Variants in APC observed in about 807,000 individuals in gnomAD.
APC encodes the protein adenomatous polyposis coli protein.
A neutral mutation model predicts 247.0 loss-of-function variants in APC; 72 were observed. That is an observed-to-expected ratio of 0.29 (90% CI 0.24 to 0.35). The LOEUF is 0.35. Among genes scored for constraint, APC ranks in the 10% least tolerant of loss-of-function variants. The pLI is 1.00. For synonymous variants in APC, 1,254 were observed against 1,162.5 expected (o/e 1.08, Z -1.60); for missense variants, 3,400 against 3,360.7 (o/e 1.01, Z -0.29).
intron 1 of APC, among the ~76,000 whole-genome samples, chr5:112,724,937 T>G (rs1751689115): frequency 6.6e-6 from 1 of 152,166 alleles, no homozygotes; most frequent in South Asian, 2.1e-4. Flanking sequence ...TAGAAAATAC[T>G]AATCTTGAAG....
intron 6 of APC, chr5:112,783,872 TTA>T: frequency 3.4e-6 from 1 of 291,986 alleles, no homozygotes; most frequent in Non-Finnish European, 6.6e-6. Flanking sequence ...CATCAGAAAA[TTA>T]AGTTCAAGTG....
At chr5:112,818,908 T>C in intron 9 of APC, 58 bp from the exon 10 acceptor site, 1 of 1,577,132 alleles carries the variant, frequency 6.3e-7, no homozygotes, top group Non-Finnish European at 8.6e-7. Context: ...ACTTAATTGG[T>C]TTTTGGCTTT....
In APC at chr5:112,843,624, G is replaced by A. The variant is rs760391304; in HGVS notation, c.8030G>A (p.Gly2677Asp). 11 of 1,613,658 alleles carry A rather than the reference G, an allele frequency of 6.8e-6. No individual in the cohort carries two copies. Among genetic ancestry groups the A allele is most frequent in the Admixed American group, 1.7e-5 (1 of 59,984 alleles). Residue 2677 changes from glycine to aspartate, a missense_variant, in exon 16 of 16, where the codon GGT (glycine) becomes GAT (aspartate). Physicochemically the swap from Gly to Asp is moderately conservative, Grantham distance 94. Transcript: ENST00000257430. This position sits in a 1 kb window ranked among gnomAD's most constrained non-coding sequence, Gnocchi z 4.8. The stretch of plus-strand genomic sequence containing the variant: ...CCTAGATCTGGAAGATCTCCCACAG[G>A]TAATACTCCCCCGGTGATTGACAGT... Reference protein sequence around the residue: ...NNPRSGRSPTGNTPPVIDSVS... With the variant: ...NNPRSGRSPTDNTPPVIDSVS...
Position 112,839,246 on chromosome 5 carries a change from A to G in APC, c.3652A>G (p.Thr1218Ala), listed in dbSNP as rs2149896347. 4 of 1,614,188 alleles carry G rather than the reference A, an allele frequency of 2.5e-6. No homozygotes were observed. Among genetic ancestry groups the G allele is most frequent in the Non-Finnish European group, 3.4e-6 (4 of 1,180,034 alleles). ...TEHMSSSSEN[T>A]STPSSNAKRQ... ...ACATATGTCTTCAAGCAGTGAGAAT[A>G]CGTCCACACCTTCATCTAATGCCAA... The change falls in exon 16 of 16, where the codon ACG becomes GCG. Residue 1218 changes from threonine to alanine, a missense_variant. Thr to Ala is a moderately conservative substitution (Grantham distance 58). This residue lies in a region of APC where 715 missense variants were observed against 656.6 expected (regional missense o/e 1.09). Transcript: ENST00000257430. This position sits in a 1 kb window ranked among gnomAD's most constrained non-coding sequence, Gnocchi z 5.0.
intron 1 of APC, among the ~76,000 whole-genome samples, chr5:112,724,542 T>A (rs921142889): frequency 1.4e-5 from 2 of 139,218 alleles, no homozygotes; most frequent in African/African-American, 2.7e-5. Flanking sequence ...GAGCAATATA[T>A]ACGTAATCCC....
intron 1 of APC, among the ~76,000 whole-genome samples, chr5:112,743,592 T>G (rs1477423579): frequency 6.6e-6 from 1 of 152,248 alleles, no homozygotes; most frequent in Non-Finnish European, 1.5e-5. Flanking sequence ...ATTCTTGATT[T>G]TATCATCACT....
intron 2 of APC, among the ~76,000 whole-genome samples, chr5:112,761,301 A>G (rs898452841): frequency 6.6e-5 from 10 of 152,244 alleles, no homozygotes; most frequent in African/African-American, 9.6e-5. Context: ...CAAGGGAACA[A>G]ATAGGTAATA....
rs182207994 is a variant in APC, at chr5:112,727,802, A to G, written c.165+19920A>G. On this transcript the variant is annotated intron_variant, in intron 1 of 13. Coordinates refer to the APC transcript ENST00000507379. The stretch of plus-strand genomic sequence containing the variant: ...CAGTGGTAAAATGATATCTTTATGA[A>G]TACAGTTTGTATTGTAAAATTGTAC... Among the ~76,000 whole-genome samples the G allele has an allele frequency of 4.4e-3, 675 of 152,268 alleles. 3 individuals are homozygous for G. The highest frequency in any genetic ancestry group is 0.01 in the Middle Eastern group (3 of 294).
upstream of APC, among the ~76,000 whole-genome samples, chr5:112,735,114 A>T (rs1437900068): frequency 2.0e-5 from 3 of 152,054 alleles, no homozygotes; most frequent in Non-Finnish European, 4.4e-5. Flanking sequence ...AAAATAAGAG[A>T]TATGTTTGTC....
At position 112,818,833 on chromosome 5, in the gene APC, TG is replaced by T. The variant is rs141013063; in HGVS notation, c.934-132del. The stretch of plus-strand genomic sequence containing the variant: ...ATCCTGGAAAGGTTTTCCGGTTTTT[TG>T]TTTTTTTTTTGGCGGGGGGGGTTGT... On this transcript the variant is annotated intron_variant, in intron 9 of 15. Transcript: ENST00000257430. 0.35 allele frequency: 199,671 copies of T among 564,196 alleles called. 28,517 individuals carry two copies. The highest frequency in any genetic ancestry group is 0.53 in the East Asian group (11,323 of 21,446). 34.9% of individuals were successfully genotyped at this position (564,196 alleles called of 1,614,324 possible). A position where few individuals can be genotyped will look rare whatever the true frequency, so the allele number is the denominator to read the frequency against.
rs752314977 is a variant in APC at position 112,842,278 on chromosome 5, G to A, written c.6684G>A (p.Arg2228=). The A allele has an allele frequency of 1.9e-6, 3 of 1,613,884 alleles. No individual in the cohort carries two copies. Among genetic ancestry groups the A allele is most frequent in the Admixed American group, 3.3e-5 (2 of 59,986 alleles). Reference sequence around the variant, plus strand: ...ACATGCCTTCAATCTCTCGAGGCAGGACAATGATTCATATTCCAGGAGTTC... The same window carrying A: ...ACATGCCTTCAATCTCTCGAGGCAGAACAATGATTCATATTCCAGGAGTTC... The part of the protein sequence containing the change: ...QANMPSISRG[R]TMIHIPGVRN... Residue 2228 remains arginine, a synonymous_variant, in exon 16 of 16, where the codon AGG becomes AGA. Transcript: ENST00000257430.
At chr5:112,807,136 G>GAAA (rs763967488) in intron 8 of APC, among the ~76,000 whole-genome samples, 1 of 117,272 alleles carries the variant, frequency 8.5e-6, no homozygotes. Context: ...CTATCTCAAG[G>GAAA]AAAAAAAAAA....
chr5:112,840,865 T>A lies in APC; in HGVS notation c.5271T>A (p.Ser1757=), dbSNP rs752875511. Residue 1757 remains serine, a synonymous_variant, in exon 16 of 16, where the codon TCT becomes TCA. Coordinates refer to ENST00000257430, the MANE Select transcript of APC (RefSeq NM_000038.6). The surrounding 1 kb of genome is among the most constrained non-coding windows in gnomAD (Gnocchi z 4.1). ...MDQVQQASAS[S]SAPNKNQLDG... is the part of the protein sequence containing the mutation. ...AGGTCCAGCAAGCATCTGCGTCTTCTTCTGCACCCAACAAAAATCAGTTAG... is the reference window on the plus strand; with the variant it reads ...AGGTCCAGCAAGCATCTGCGTCTTCATCTGCACCCAACAAAAATCAGTTAG... The A allele has an allele frequency of 6.2e-7, 1 of 1,614,104 alleles. No individual in the cohort carries two copies.
Position 112,839,573 on chromosome 5 carries a change from T to C in APC, c.3979T>C (p.Ser1327Pro), listed in dbSNP as rs1765573182. 1 of 1,614,180 alleles carries C rather than the reference T, an allele frequency of 6.2e-7. No homozygotes were observed. Among genetic ancestry groups the C allele is most frequent in the African/African-American group, 1.3e-5 (1 of 75,046 alleles). ...TCCTGTGAGCGAAGTTCCAGCAGTG[T>C]CACAGCACCCTAGAACCAAATCCAG... ...EDPVSEVPAV[S>P]QHPRTKSSRL... is the part of the protein sequence containing the mutation. The change falls in exon 16 of 16, where the codon TCA becomes CCA. Residue 1327 changes from serine to proline, a missense_variant. By Grantham distance (74) the Ser-to-Pro change is moderately conservative. This residue lies in a region of APC where 715 missense variants were observed against 656.6 expected (regional missense o/e 1.09). Coordinates refer to ENST00000257430, the MANE Select transcript of APC (RefSeq NM_000038.6). This position sits in a 1 kb window ranked among gnomAD's most constrained non-coding sequence, Gnocchi z 5.0.
Position 112,840,733 on chromosome 5 carries a change from G to C in APC, c.5139G>C (p.Leu1713Phe), listed in dbSNP as rs2149932958. ...GKTSSVTIPE[L>F]DDNKAEEGDI... ...CCTCATCTGTAACCATACCTGAATT[G>C]GATGACAATAAAGCAGAGGAAGGTG... is the stretch of plus-strand genomic sequence containing the variant. The change falls in exon 16 of 16, where the codon TTG becomes TTC. Residue 1713 changes from leucine to phenylalanine, a missense_variant. Around this residue, in one of 9 missense-constraint regions of APC, gnomAD observed 1,788 missense variants for 1,649.5 expected, o/e 1.08. Transcript: ENST00000257430. The surrounding 1 kb of genome is among the most constrained non-coding windows in gnomAD (Gnocchi z 4.1). 6.2e-7 allele frequency: 1 copy of C among 1,614,088 alleles called. No homozygotes were observed.
intron 1 of APC, among the ~76,000 whole-genome samples, chr5:112,752,432 A>G (rs1754484141): frequency 6.6e-6 from 1 of 152,152 alleles, no homozygotes; most frequent in African/African-American, 2.4e-5. Flanking sequence ...AAGTCTAGAT[A>G]ATAGTCCTTG....
At chr5:112,800,367 T>C (rs1388100656) in intron 7 of APC, among the ~76,000 whole-genome samples, 2 of 152,228 alleles carry the variant, frequency 1.3e-5, no homozygotes, top group Admixed American at 1.3e-4. Flanking sequence ...TACTGAGTGC[T>C]ACCTCACTTT....
At chr5:112,763,435 G>T (rs191063890) in intron 2 of APC, among the ~76,000 whole-genome samples, 1 of 151,482 alleles carries the variant, frequency 6.6e-6, no homozygotes, top group East Asian at 1.9e-4. Context: ...GTATTCCATT[G>T]TAGGTACAGC....
At chr5:112,773,337 C>A (rs770789102) in intron 4 of APC, among the ~76,000 whole-genome samples, 1 of 152,086 alleles carries the variant, frequency 6.6e-6, no homozygotes, top group African/African-American at 2.4e-5. Context: ...CTCTGTATGA[C>A]CAAACTCCAG....
Sources: gnomAD v4.1 joint callset for allele counts (sites outside exome capture counted in the v4.1 genomes callset) on GRCh38, gnomAD v4.1.1 for gene constraint, gnomAD v4.1.1 regional missense constraint, Gnocchi (gnomAD v3.1) non-coding constraint, MANE v1.5 for transcripts, NCBI Gene and HGNC (gene_info 2026-07-23, HGNC 2026-07-21) for gene names.